PLEKHG5: variants seen among roughly 807,000 people sequenced by gnomAD.
The protein encoded by PLEKHG5 is pleckstrin homology and RhoGEF domain containing G5.
PLEKHG5 carries 52 observed loss-of-function variants against 103.8 expected under a neutral mutation model. The ratio of observed to expected loss-of-function variants is 0.50; its 90% CI spans 0.40 to 0.63. PLEKHG5 has a LOEUF of 0.63. Ranked by LOEUF, PLEKHG5 falls within the 30% of genes least tolerant of loss-of-function variation. The pLI, the probability that PLEKHG5 is intolerant of heterozygous loss-of-function variation, is 0.00. For synonymous variants in PLEKHG5, 592 were observed against 575.5 expected, an observed-to-expected ratio of 1.03 and a Z score of -0.41; for missense variants, 1,205 against 1,347.6, an observed-to-expected ratio of 0.89 and a Z score of 1.66.
upstream of PLEKHG5, among the ~76,000 whole-genome samples, chr1:6,495,287 C>T (rs944107778): frequency 6.6e-6 from 1 of 152,258 alleles, no homozygotes; most frequent in Non-Finnish European, 1.5e-5. Context: ...TCACACCGCC[C>T]CCCTGCCTGG....
In PLEKHG5 at chr1:6,490,412, C is replaced by A. The variant is rs911699104; in HGVS notation, c.-88+1225G>T. 1.0e-6 allele frequency: 1 copy of A among 980,778 alleles called. No homozygotes were observed. Among genetic ancestry groups the A allele is most frequent in the Non-Finnish European group, 1.2e-6 (1 of 825,786 alleles). 60.8% of individuals were successfully genotyped at this position (980,778 alleles called of 1,614,324 possible). A position where few individuals can be genotyped will look rare whatever the true frequency, so the allele number is the denominator to read the frequency against. On this transcript the variant is annotated intron_variant, in intron 1 of 20. Coordinates refer to ENST00000377728, the MANE Select transcript of PLEKHG5 (RefSeq NM_020631.6). The surrounding 1 kb of genome is among the most constrained non-coding windows in gnomAD (Gnocchi z 8.0). ...CCTGGCGCCTAGTCCCACCCCCCGT[C>A]CGGAGCGCAGCTCCCACTTCCCCGC...
chr1:6,500,590 C>T (rs1415742411), upstream of PLEKHG5, among the ~76,000 whole-genome samples: 5 of 148,516 alleles, frequency 3.4e-5, no homozygotes, highest in African/African-American at 1.2e-4. Flanking sequence ...TTGAACTCCC[C>T]CCTCCCCTAA....
rs751082247 is a variant in PLEKHG5, at chr1:6,475,446, C to A, written c.210+16G>T. Reference sequence around the variant, plus strand: ...TGTAGGGAACCCGCATCTGCCGGCTCTGGGGGGCTCCTCACATCCGTGTGT... The same window carrying A: ...TGTAGGGAACCCGCATCTGCCGGCTATGGGGGGCTCCTCACATCCGTGTGT... On this transcript the variant is annotated intron_variant, in intron 4 of 20. Coordinates refer to ENST00000377728, the MANE Select transcript of PLEKHG5 (RefSeq NM_020631.6). 1.2e-5 allele frequency: 19 copies of A among 1,612,080 alleles called. No homozygotes were observed. The Admixed American group carries it at 3.0e-4, about 25-fold the overall frequency.
upstream of PLEKHG5, among the ~76,000 whole-genome samples, chr1:6,493,068 C>A (rs947259129): frequency 2.0e-5 from 3 of 152,196 alleles, no homozygotes; most frequent in Non-Finnish European, 4.4e-5. Context: ...CCAGTGGGAA[C>A]TCCAGGGGCA....
intron 10 of PLEKHG5, 53 bp from the exon 11 acceptor site, chr1:6,471,861 G>A (rs1001342835): frequency 5.2e-6 from 8 of 1,535,880 alleles, no homozygotes; most frequent in Non-Finnish European, 6.2e-6. Flanking sequence ...CTCAGCCCTA[G>A]GGCCCCACCC....
intron 1 of PLEKHG5, among the ~76,000 whole-genome samples, chr1:6,513,862 T>TC (rs1191167462): frequency 6.6e-6 from 1 of 152,192 alleles, no homozygotes; most frequent in Admixed American, 6.5e-5. Flanking sequence ...CAAGGGCCCT[T>TC]CCCCGCTAAG....
chr1:6,498,484 T>C (rs1645258554), upstream of PLEKHG5, among the ~76,000 whole-genome samples: 1 of 152,142 alleles, frequency 6.6e-6, no homozygotes, highest in African/African-American at 2.4e-5. Context: ...GCAAACACAC[T>C]AAAGATCCTC....
In PLEKHG5 at chr1:6,486,777, G is replaced by A. The variant is rs1002843070; in HGVS notation, c.-88+4860C>T. Among the ~76,000 whole-genome samples the A allele has an allele frequency of 3.9e-5, 6 of 152,232 alleles. No individual in the cohort carries two copies. The highest frequency in any genetic ancestry group is 2.1e-4 in the South Asian group (1 of 4,834). ...GGCAGGCACCATTAGCCCCATTCACGGCGTGGGGGATAAAGTGACATAAAG... is the reference window on the plus strand; with the variant it reads ...GGCAGGCACCATTAGCCCCATTCACAGCGTGGGGGATAAAGTGACATAAAG... On this transcript the variant is annotated intron_variant, in intron 1 of 20. Coordinates refer to ENST00000377728, the MANE Select transcript of PLEKHG5 (RefSeq NM_020631.6). The surrounding 1 kb of genome is among the most constrained non-coding windows in gnomAD (Gnocchi z 5.3).
chr1:6,485,808 AC>A, intron 1 of PLEKHG5: 1 of 817,334 alleles, frequency 1.2e-6, no homozygotes, highest in Non-Finnish European at 1.4e-6. Context: ...CCACCTTCCC[AC>A]CTCTGCCTGG....
intron 12 of PLEKHG5, 102 bp downstream of exon 12, chr1:6,471,386 G>A: frequency 7.5e-7 from 1 of 1,330,028 alleles, no homozygotes; most frequent in Admixed American, 2.3e-5. Flanking sequence ...TACGGGCCTG[G>A]GGGAGGTTGG....
intron 1 of PLEKHG5, among the ~76,000 whole-genome samples, chr1:6,507,659 AG>A (rs1394249256): frequency 6.6e-6 from 1 of 152,186 alleles, no homozygotes; most frequent in East Asian, 1.9e-4. Flanking sequence ...GGGCTGTGGC[AG>A]GGGGTGCTGG....
chr1:6,474,411 C>T (rs1644695760), intron 6 of PLEKHG5, 40 bp downstream of exon 6: 1 of 1,611,766 alleles, frequency 6.2e-7, no homozygotes, highest in East Asian at 2.2e-5. Flanking sequence ...GGAGGCTCCG[C>T]CAGTCCCAGC....
At chr1:6,495,542 C>T (rs1645212183), upstream of PLEKHG5, among the ~76,000 whole-genome samples, 1 of 152,210 alleles carries the variant, frequency 6.6e-6, no homozygotes, top group Admixed American at 6.5e-5. Context: ...AATCCCAGCT[C>T]TCCCACTTCC....
intron 12 of PLEKHG5, 56 bp from the exon 13 acceptor site, chr1:6,471,156 G>T: frequency 7.1e-7 from 1 of 1,403,698 alleles, no homozygotes; most frequent in Non-Finnish European, 9.8e-7. Flanking sequence ...CTGCGGGCCG[G>T]CCCGCGCCAG....
intron 4 of PLEKHG5, 91 bp from the exon 5 acceptor site, chr1:6,475,229 C>T: frequency 1.4e-6 from 1 of 692,080 alleles, no homozygotes; most frequent in Non-Finnish European, 2.5e-6. Flanking sequence ...CCCTCCTTCC[C>T]AACCCTCCTC....
upstream of PLEKHG5, among the ~76,000 whole-genome samples, chr1:6,500,696 C>G (rs1057169489): frequency 2.2e-4 from 34 of 151,782 alleles, no homozygotes; most frequent in African/African-American, 7.5e-4. Flanking sequence ...TGAACTACCC[C>G]CCTTGAGGCA....
chr1:6,470,201 G>A (rs895537301), intron 16 of PLEKHG5, 35 bp downstream of exon 16: 1 of 1,610,558 alleles, frequency 6.2e-7, no homozygotes, highest in Non-Finnish European at 8.5e-7. Context: ...CCCTAGGAAG[G>A]GCAGGGCACA....
At chr1:6,478,740 T>A (rs1423272049) in intron 1 of PLEKHG5, among the ~76,000 whole-genome samples, 1 of 151,888 alleles carries the variant, frequency 6.6e-6, no homozygotes, top group African/African-American at 2.4e-5. Context: ...GCCTCCCGGG[T>A]TCAAGTGATT....
chr1:6,474,947 C>CACAG, intron 5 of PLEKHG5, 100 bp downstream of exon 5: 1 of 834,854 alleles, frequency 1.2e-6, no homozygotes, highest in East Asian at 2.4e-5. Flanking sequence ...CGGGCCACCA[C>CACAG]ACAGACACAC....
Sources: gnomAD v4.1 joint callset for allele counts (sites outside exome capture counted in the v4.1 genomes callset) on GRCh38, gnomAD v4.1.1 for gene constraint, Gnocchi (gnomAD v3.1) non-coding constraint, MANE v1.5 for transcripts, NCBI Gene and HGNC (gene_info 2026-07-23, HGNC 2026-07-21) for gene names.